PRKN: variants seen among roughly 807,000 people sequenced by gnomAD.
PRKN encodes the protein parkin RBR E3 ubiquitin protein ligase.
A neutral mutation model predicts 59.5 loss-of-function variants in PRKN; 56 were observed. The ratio of observed to expected loss-of-function variants is 0.94; its 90% confidence interval spans 0.76 to 1.18. The LOEUF (loss-of-function observed/expected upper bound fraction) is 1.18. Ranked by LOEUF, PRKN falls within the 50% of genes most tolerant of loss-of-function variation. The probability of loss-of-function intolerance (pLI) is 0.00; values close to 1 mark genes in which losing one functional copy is unlikely to be tolerated. For synonymous variants in PRKN, 250 were observed against 222.1 expected (o/e 1.13, Z -1.12); for missense variants, 657 against 596.4 (o/e 1.10, Z -1.06).
chr6:161,745,213 A>C (rs1393401355), intron 7 of PRKN, among the ~76,000 whole-genome samples: 1 of 152,188 alleles, frequency 6.6e-6, no homozygotes, highest in Non-Finnish European at 1.5e-5. Flanking sequence ...GGCATGAAAT[A>C]ATAACATAAA....
chr6:162,465,423 C>T (rs1562784819), intron 1 of PRKN, among the ~76,000 whole-genome samples: 2 of 152,164 alleles, frequency 1.3e-5, no homozygotes. Flanking sequence ...AGAGAGAACA[C>T]TATTTTTCAA....
intron 7 of PRKN, among the ~76,000 whole-genome samples, chr6:161,634,314 G>A (rs1289153035): frequency 1.3e-5 from 2 of 152,224 alleles, no homozygotes; most frequent in East Asian, 1.9e-4. Context: ...GCAGGGCAGC[G>A]GGAGGGCCTT....
At position 162,145,694 on chromosome 6, in the gene PRKN, A is replaced by G. The variant is rs76779177; in HGVS notation, c.534+55437T>C. The stretch of plus-strand genomic sequence containing the variant: ...GTCCAAATACCCCCAGAGGTTTCCC[A>G]TTGGCCACTTGGTGGACATCTCATG... On this transcript the variant is annotated intron_variant, in intron 4 of 11. Transcript: ENST00000366898. Among the ~76,000 whole-genome samples the G allele has an allele frequency of 8.4e-3, 1,275 of 152,254 alleles. 13 individuals carry two copies. The highest frequency in any genetic ancestry group is 0.031 in the Middle Eastern group (9 of 294).
chr6:161,491,616 C>A (rs1012785549), intron 9 of PRKN, among the ~76,000 whole-genome samples: 8 of 150,134 alleles, frequency 5.3e-5, no homozygotes, highest in African/African-American at 2.0e-4. Context: ...GAACTTTGTA[C>A]GGGAAAGTGA....
chr6:162,469,529 C>T (rs1182082682), intron 1 of PRKN, among the ~76,000 whole-genome samples: 1 of 148,784 alleles, frequency 6.7e-6, no homozygotes. Context: ...CACACACACA[C>T]ATACACATAC....
In PRKN at chr6:161,353,043, G is replaced by T. The variant is rs2114837695; in HGVS notation, c.1286-2832C>A. Among the ~76,000 whole-genome samples the T allele has an allele frequency of 6.6e-6, 1 of 152,246 alleles. No individual in the cohort carries two copies. The highest frequency in any genetic ancestry group is 6.5e-5 in the Admixed American group (1 of 15,288). ...TCTGCCTGCCTTGGCCTCCCAAAGTGCTGGGATTACAGGCATGAGCCACCG... is the reference window on the plus strand; with the variant it reads ...TCTGCCTGCCTTGGCCTCCCAAAGTTCTGGGATTACAGGCATGAGCCACCG... On this transcript the variant is annotated intron_variant, in intron 11 of 11. Transcript: ENST00000366898. The surrounding 1 kb of genome is among the most constrained non-coding windows in gnomAD (Gnocchi z 4.8).
chr6:161,704,825 A>G (rs1176569078), intron 7 of PRKN, among the ~76,000 whole-genome samples: 3 of 152,088 alleles, frequency 2.0e-5, no homozygotes. Context: ...CTCCTCCATC[A>G]TACTTCACAT....
intron 7 of PRKN, among the ~76,000 whole-genome samples, chr6:161,626,150 G>A (rs1019399486): frequency 2.6e-5 from 4 of 152,170 alleles, no homozygotes; most frequent in Non-Finnish European, 4.4e-5. Flanking sequence ...TGCACACAGT[G>A]TCAGGACAGG....
intron 6 of PRKN, among the ~76,000 whole-genome samples, chr6:161,881,218 TG>T (rs1379074218): frequency 2.5e-4 from 38 of 152,230 alleles, no homozygotes; most frequent in Middle Eastern, 3.4e-3. Context: ...GCCCCCTGTG[TG>T]GAGACGCATC....
At chr6:161,973,920 G>C (rs1780923412) in intron 5 of PRKN, among the ~76,000 whole-genome samples, 1 of 152,168 alleles carries the variant, frequency 6.6e-6, no homozygotes, top group African/African-American at 2.4e-5. Context: ...GGAATTGAGA[G>C]AGCCCTACTG....
intron 5 of PRKN, among the ~76,000 whole-genome samples, chr6:162,025,161 A>G (rs2851396): frequency 0.81 from 123,358 of 151,486 alleles, 50,874 homozygotes; most frequent in African/African-American, 0.95. Context: ...GACTACAGGC[A>G]CCTGCCACCA....
At chr6:161,681,014 G>A (rs936569377) in intron 7 of PRKN, among the ~76,000 whole-genome samples, 3 of 151,950 alleles carry the variant, frequency 2.0e-5, no homozygotes, top group Non-Finnish European at 4.4e-5. Context: ...AGGCTAGAGT[G>A]CAGTGGCACA....
At chr6:161,749,026 G>A (rs1479349327) in intron 7 of PRKN, among the ~76,000 whole-genome samples, 1 of 152,194 alleles carries the variant, frequency 6.6e-6, no homozygotes, top group Non-Finnish European at 1.5e-5. Flanking sequence ...GGGAGAGATG[G>A]AAGGTTGGCA....
At chr6:162,293,434 C>T (rs898830287) in intron 2 of PRKN, among the ~76,000 whole-genome samples, 35 of 152,214 alleles carry the variant, frequency 2.3e-4, no homozygotes, top group African/African-American at 8.4e-4. Flanking sequence ...GTACTCCATT[C>T]ATGGAGGAGG....
At chr6:161,600,900 C>T (rs1013065474) in intron 7 of PRKN, among the ~76,000 whole-genome samples, 1 of 152,144 alleles carries the variant, frequency 6.6e-6, no homozygotes, top group African/African-American at 2.4e-5. Context: ...ACCACTATTA[C>T]CCAACTCCTA....
chr6:162,663,407 G>GAAAAAA (rs879312066), intron 1 of PRKN, among the ~76,000 whole-genome samples: 1 of 135,790 alleles, frequency 7.4e-6, no homozygotes, highest in African/African-American at 2.7e-5. Flanking sequence ...AACTGAACAG[G>GAAAAAA]AAAAAAAAAA....
chr6:162,036,227 G>C (rs952714111), intron 5 of PRKN, among the ~76,000 whole-genome samples: 25 of 151,660 alleles, frequency 1.6e-4, no homozygotes, highest in Non-Finnish European at 3.5e-4. Context: ...GGGAGGCTGC[G>C]GCAGGAGAAT....
At chr6:161,381,690 T>A (rs1471896255) in intron 10 of PRKN, among the ~76,000 whole-genome samples, 1 of 152,102 alleles carries the variant, frequency 6.6e-6, no homozygotes, top group African/African-American at 2.4e-5. Context: ...AGCTTCATGG[T>A]AGGGAGGGAG....
At chr6:162,024,194 C>CTTTTTTTTTTTTTTTTTTTTTT (rs111595639) in intron 5 of PRKN, among the ~76,000 whole-genome samples, 1 of 82,062 alleles carries the variant, frequency 1.2e-5, no homozygotes, top group Non-Finnish European at 2.1e-5. Context: ...TCCCCCAACC[C>CTTTTTTTTTTTTTTTTTTTTTT]TTTTTTTTTT....
Sources: allele counts gnomAD v4.1 joint callset (sites outside exome capture counted in the v4.1 genomes callset), GRCh38; gene constraint gnomAD v4.1.1; non-coding constraint Gnocchi (gnomAD v3.1); transcripts MANE v1.5; gene names NCBI Gene and HGNC (gene_info 2026-07-23, HGNC 2026-07-21).